Variants in ADAP2 observed in about 807,000 individuals in gnomAD.
ADAP2 encodes arf-GAP with dual PH domain-containing protein 2.
ADAP2 carries 42 observed loss-of-function variants against 54.9 expected under a neutral mutation model. That is an observed-to-expected ratio of 0.77 (90% CI 0.60 to 0.99). The LOEUF (loss-of-function observed/expected upper bound fraction) is 0.99. Ranked by LOEUF, ADAP2 falls within the 50% of genes least tolerant of loss-of-function variation. The pLI is 0.00. For synonymous variants in ADAP2, 177 were observed against 180.1 expected, an observed-to-expected ratio of 0.98 and a Z score of 0.14; for missense variants, 429 against 480.4, an observed-to-expected ratio of 0.89 and a Z score of 1.00.
At chr17:30,957,692 A>C in intron 10 of ADAP2, 143 bp from the exon 11 acceptor site, 1 of 729,680 alleles carries the variant, frequency 1.4e-6, no homozygotes, top group Non-Finnish European at 2.3e-6. Flanking sequence ...CGGCCTCCCA[A>C]AGTGCTGGGA....
At chr17:30,949,452 CAG>C in intron 7 of ADAP2, 82 bp downstream of exon 7, 1 of 1,354,076 alleles carries the variant, frequency 7.4e-7, no homozygotes, top group Non-Finnish European at 1.1e-6. Flanking sequence ...CGAAGACACT[CAG>C]AAGCCAGACT....
At chr17:30,939,654 G>A (rs1375150084) in intron 5 of ADAP2, among the ~76,000 whole-genome samples, 3 of 151,512 alleles carry the variant, frequency 2.0e-5, no homozygotes, top group Non-Finnish European at 4.4e-5. Context: ...GCCTGTAGTC[G>A]CAGATACTCA....
chr17:30,958,174 CA>C lies in ADAP2; in HGVS notation c.*307del. On this transcript the variant is annotated 3_prime_UTR_variant, in exon 11 of 11. Coordinates refer to ENST00000330889, the MANE Select transcript of ADAP2 (RefSeq NM_018404.3). ...TCTCACATCTGAAATGGAGGCATTG[CA>C]ATGAAAAGGCACCCACAGCATCATG... The C allele has an allele frequency of 2.8e-6, 1 of 352,272 alleles. No individual in the cohort carries two copies. Among genetic ancestry groups the C allele is most frequent in the Admixed American group, 4.4e-5 (1 of 22,528 alleles). The allele number at this position is 352,272 out of a possible 1,614,324, so 21.8% of individuals were successfully genotyped here. A position where few individuals can be genotyped will look rare whatever the true frequency, so the allele number is the denominator to read the frequency against.
In ADAP2 at chr17:30,956,226, A is replaced by G; in HGVS notation, c.883-15A>G. On this transcript the variant is annotated splice_polypyrimidine_tract_variant and intron_variant, in intron 9 of 10. Transcript: ENST00000330889. ...TGGGGGCACCCTCTGATGACCCTGT[A>G]CTCTCCATTTTCAGGATGCCTTCGA... 1.2e-6 allele frequency: 2 copies of G among 1,613,410 alleles called. No homozygotes were observed. Among genetic ancestry groups the G allele is most frequent in the Non-Finnish European group, 1.7e-6 (2 of 1,179,526 alleles).
At position 30,958,215 on chromosome 17, in the gene ADAP2, T is replaced by TAAA. The variant is rs113136221; in HGVS notation, c.*359_*361dup. 3 of 189,146 alleles carry TAAA rather than the reference T, an allele frequency of 1.6e-5. No homozygotes were observed. Among genetic ancestry groups the TAAA allele is most frequent in the Non-Finnish European group, 3.1e-5 (3 of 95,392 alleles). The allele number at this position is 189,146 out of a possible 1,614,324, so 11.7% of individuals were successfully genotyped here. A position where few individuals can be genotyped will look rare whatever the true frequency, so the allele number is the denominator to read the frequency against. On this transcript the variant is annotated 3_prime_UTR_variant, in exon 11 of 11. Transcript: ENST00000330889. ...ACAGCATCATGCAAGTGGCATCTTG[T>TAAA]AAAAAAAAAAAAAAAGTTTAATCTG...
chr17:30,934,150 C>T (rs774415496), intron 4 of ADAP2, 35 bp from the exon 5 acceptor site: 12 of 1,545,150 alleles, frequency 7.8e-6, no homozygotes, highest in Non-Finnish European at 9.8e-6. Context: ...CTTAAGGTCA[C>T]GTGTGTTCAC....
At chr17:30,935,880 A>G (rs1439082895) in intron 5 of ADAP2, among the ~76,000 whole-genome samples, 4 of 152,212 alleles carry the variant, frequency 2.6e-5, no homozygotes, top group Admixed American at 2.6e-4. Flanking sequence ...CTTGTAGGTC[A>G]TAGCAAGACT....
At chr17:30,954,444 G>T in intron 8 of ADAP2, 34 bp from the exon 9 acceptor site, 1 of 1,598,572 alleles carries the variant, frequency 6.3e-7, no homozygotes, top group Non-Finnish European at 8.6e-7. Context: ...AAACTGACCT[G>T]GTCATCTGTG....
At chr17:30,944,456 G>A (rs958468224) in intron 5 of ADAP2, among the ~76,000 whole-genome samples, 2 of 152,042 alleles carry the variant, frequency 1.3e-5, no homozygotes, top group African/African-American at 2.4e-5. Flanking sequence ...GGCCAACATA[G>A]CGAAACTCTG....
intron 7 of ADAP2, among the ~76,000 whole-genome samples, chr17:30,952,783 G>A (rs1347896105): frequency 6.6e-6 from 1 of 152,120 alleles, no homozygotes; most frequent in Non-Finnish European, 1.5e-5. Context: ...CTAGTGTAGT[G>A]GTAGGAGTAC....
intron 7 of ADAP2, among the ~76,000 whole-genome samples, chr17:30,951,085 C>T (rs761515343): frequency 6.6e-6 from 1 of 152,194 alleles, no homozygotes; most frequent in Non-Finnish European, 1.5e-5. Flanking sequence ...TAGGGGTCCA[C>T]ATGTTGGAAA....
At chr17:30,937,370 C>T (rs1911968672) in intron 5 of ADAP2, among the ~76,000 whole-genome samples, 1 of 152,042 alleles carries the variant, frequency 6.6e-6, no homozygotes, top group Non-Finnish European at 1.5e-5. Context: ...TACAGGCGTG[C>T]ACCACCACAC....
intron 4 of ADAP2, among the ~76,000 whole-genome samples, chr17:30,933,447 C>T: frequency 6.6e-6 from 1 of 152,084 alleles, no homozygotes; most frequent in South Asian, 2.1e-4. Flanking sequence ...CTTGGCTTCC[C>T]AAGGTGTCAA....
intron 6 of ADAP2, among the ~76,000 whole-genome samples, chr17:30,945,464 G>A (rs767130357): frequency 2.6e-5 from 4 of 152,118 alleles, no homozygotes; most frequent in Non-Finnish European, 4.4e-5. Context: ...TCACCCAGGA[G>A]CTCAAGGCTG....
At chr17:30,935,082 A>C (rs1263408253) in intron 5 of ADAP2, among the ~76,000 whole-genome samples, 1 of 151,886 alleles carries the variant, frequency 6.6e-6, no homozygotes, top group Admixed American at 6.6e-5. Context: ...AAACAAAAAC[A>C]AAAACCGGGC....
chr17:30,955,631 C>T (rs565402053), intron 9 of ADAP2, among the ~76,000 whole-genome samples: 24 of 150,716 alleles, frequency 1.6e-4, no homozygotes, highest in African/African-American at 3.9e-4. Flanking sequence ...CGCTTGAAAC[C>T]GGGAGGCAGA....
intron 8 of ADAP2, among the ~76,000 whole-genome samples, chr17:30,953,669 T>C (rs1276144311): frequency 1.3e-5 from 2 of 152,082 alleles, no homozygotes; most frequent in African/African-American, 4.8e-5. Context: ...CCTGAGTAGC[T>C]GGGATTACAG....
chr17:30,957,700 G>A (rs1357479263), intron 10 of ADAP2, 135 bp from the exon 11 acceptor site: 2 of 790,634 alleles, frequency 2.5e-6, no homozygotes, highest in Non-Finnish European at 4.2e-6. Context: ...CAAAGTGCTG[G>A]GATTACAGGC....
At chr17:30,957,539 C>T (rs1905162239) in intron 10 of ADAP2, among the ~76,000 whole-genome samples, 1 of 152,080 alleles carries the variant, frequency 6.6e-6, no homozygotes, top group Admixed American at 6.6e-5. Flanking sequence ...GCAATCCTCT[C>T]ACCTCAGCCT....
Sources: gnomAD v4.1 joint callset for allele counts (sites outside exome capture counted in the v4.1 genomes callset) on GRCh38, gnomAD v4.1.1 for gene constraint, MANE v1.5 for transcripts, NCBI Gene and HGNC (gene_info 2026-07-23, HGNC 2026-07-21) for gene names.